The following PTPRD variants were observed in gnomAD, a reference collection of about 807,000 sequenced individuals.
The protein encoded by PTPRD is receptor-type tyrosine-protein phosphatase delta.
PTPRD carries 34 observed loss-of-function variants against 214.5 expected under a neutral mutation model. The ratio of observed to expected loss-of-function variants is 0.16; its 90% CI spans 0.12 to 0.21. The LOEUF (loss-of-function observed/expected upper bound fraction) is 0.21. Among genes scored for constraint, PTPRD ranks in the 10% least tolerant of loss-of-function variants. The pLI is 1.00. For missense variants in PTPRD, 2,545 were observed against 2,398.7 expected, an observed-to-expected ratio of 1.06 and a Z score of -1.27; for synonymous variants, 1,128 against 845.7, an observed-to-expected ratio of 1.33 and a Z score of -5.79.
intron 3 of PTPRD, among the ~76,000 whole-genome samples, chr9:10,044,006 T>G (rs1266818518): frequency 6.6e-6 from 1 of 151,826 alleles, no homozygotes; most frequent in Non-Finnish European, 1.5e-5. Context: ...AACAAATATT[T>G]AGAGCCTTCA....
intron 35 of PTPRD, among the ~76,000 whole-genome samples, chr9:8,428,302 T>C (rs10739162): frequency 0.51 from 76,961 of 151,956 alleles, 19,925 homozygotes; most frequent in East Asian, 0.74. Flanking sequence ...CCAATCCCAG[T>C]GTATTAGGAG....
In PTPRD at chr9:8,317,920, C is replaced by A. The variant is rs200610422; in HGVS notation, c.5693G>T (p.Arg1898Leu). Residue 1898 changes from arginine to leucine, a missense_variant, in exon 46 of 46, where the codon CGT becomes CTT. Transcript: ENST00000381196. ...QTEDQYQFSY[R>L]AALEYLGSFD... ...GCTGCCCAGGTACTCTAGTGCGGCA[C>A]GATAGGAAAACTGATATTGATCCTG... The A allele has an allele frequency of 2.5e-6, 4 of 1,611,414 alleles. No homozygotes were observed. The highest frequency in any genetic ancestry group is 3.4e-6 in the Non-Finnish European group (4 of 1,178,492).
intron 9 of PTPRD, among the ~76,000 whole-genome samples, chr9:9,379,655 C>T (rs746652253): frequency 1.3e-5 from 2 of 152,028 alleles, no homozygotes; most frequent in African/African-American, 2.4e-5. Context: ...TTATATCTTC[C>T]TATCCATGGA....
chr9:8,682,836 T>C (rs1026938671), intron 12 of PTPRD, among the ~76,000 whole-genome samples: 3 of 152,274 alleles, frequency 2.0e-5, no homozygotes, highest in Non-Finnish European at 4.4e-5. Context: ...TCTTCTAATG[T>C]AGGCCTATCA....
chr9:8,423,379 A>T (rs1158622384), intron 35 of PTPRD, among the ~76,000 whole-genome samples: 2 of 152,208 alleles, frequency 1.3e-5, no homozygotes, highest in African/African-American at 2.4e-5. Context: ...TCCTCCTGCC[A>T]TCTTGAAATA....
chr9:9,331,541 C>T (rs549644280), intron 9 of PTPRD, among the ~76,000 whole-genome samples: 1 of 152,178 alleles, frequency 6.6e-6, no homozygotes, highest in Admixed American at 6.6e-5. Context: ...GGCAGTATAA[C>T]AGCTCTCAGG....
chr9:9,657,298 T>G (rs117211761), intron 7 of PTPRD, among the ~76,000 whole-genome samples: 8,137 of 152,220 alleles, frequency 0.053, 252 homozygotes, highest in Middle Eastern at 0.14. Flanking sequence ...TCATGTCCTT[T>G]GCAGGGACAT....
chr9:10,232,929 A>G (rs1308893038), intron 3 of PTPRD, among the ~76,000 whole-genome samples: 1 of 151,922 alleles, frequency 6.6e-6, no homozygotes, highest in Non-Finnish European at 1.5e-5. Flanking sequence ...TAAACATTCC[A>G]TTCTTCCTCA....
chr9:9,572,709 A>G (rs1291288890), intron 8 of PTPRD, among the ~76,000 whole-genome samples: 1 of 150,760 alleles, frequency 6.6e-6, no homozygotes, highest in Non-Finnish European at 1.5e-5. Flanking sequence ...ATAACCTAAT[A>G]ATAAAGGACA....
chr9:9,075,201 T>A (rs540163604), intron 10 of PTPRD, among the ~76,000 whole-genome samples: 8 of 152,206 alleles, frequency 5.3e-5, no homozygotes, highest in African/African-American at 1.9e-4. Flanking sequence ...TTAGGGTACA[T>A]GAGATATTTT....
intron 3 of PTPRD, among the ~76,000 whole-genome samples, chr9:10,301,032 G>C (rs552330902): frequency 1.6e-4 from 25 of 152,194 alleles, no homozygotes; most frequent in Admixed American, 6.5e-4. Flanking sequence ...CTGGCGTCTG[G>C]CAATTGCCCC....
intron 8 of PTPRD, among the ~76,000 whole-genome samples, chr9:9,398,991 G>A (rs1033630068): frequency 2.6e-5 from 4 of 152,026 alleles, no homozygotes; most frequent in African/African-American, 9.7e-5. Context: ...TACCCACAAT[G>A]TCTCATACTT....
chr9:9,169,059 T>A (rs1433811935), intron 10 of PTPRD, among the ~76,000 whole-genome samples: 1 of 152,010 alleles, frequency 6.6e-6, no homozygotes, highest in Non-Finnish European at 1.5e-5. Flanking sequence ...TATATATAAA[T>A]TTTTATCAGT....
At chr9:9,522,241 C>A (rs2154255743) in intron 8 of PTPRD, among the ~76,000 whole-genome samples, 1 of 150,744 alleles carries the variant, frequency 6.6e-6, no homozygotes, top group African/African-American at 2.4e-5. Flanking sequence ...AATTTAGATC[C>A]TTGTTATTTC....
At chr9:8,777,734 G>A (rs111671752) in intron 11 of PTPRD, among the ~76,000 whole-genome samples, 4 of 152,252 alleles carry the variant, frequency 2.6e-5, no homozygotes, top group African/African-American at 2.4e-5. Context: ...TGAATTGAAA[G>A]CCTTATTTAC....
At chr9:9,518,268 G>A (rs1268174197) in intron 8 of PTPRD, among the ~76,000 whole-genome samples, 2 of 152,042 alleles carry the variant, frequency 1.3e-5, no homozygotes, top group African/African-American at 4.8e-5. Flanking sequence ...ATGTTAACAA[G>A]CATAAACTTT....
intron 30 of PTPRD, among the ~76,000 whole-genome samples, chr9:8,478,576 G>T (rs1262251847): frequency 2.0e-5 from 3 of 152,104 alleles, no homozygotes; most frequent in Non-Finnish European, 4.4e-5. Flanking sequence ...TAAAGTCACA[G>T]AAGTTCCCTA....
chr9:9,306,094 A>C (rs1957040803), intron 9 of PTPRD, among the ~76,000 whole-genome samples: 1 of 152,178 alleles, frequency 6.6e-6, no homozygotes, highest in African/African-American at 2.4e-5. Context: ...AGAGCCCAGG[A>C]AATATGAAGA....
At chr9:8,480,091 T>A (rs561656157) in intron 30 of PTPRD, among the ~76,000 whole-genome samples, 2 of 152,330 alleles carry the variant, frequency 1.3e-5, no homozygotes, top group East Asian at 1.9e-4. Context: ...TTAATCTCAG[T>A]CATCTTTCTA....
Sources: allele counts gnomAD v4.1 joint callset (sites outside exome capture counted in the v4.1 genomes callset), GRCh38; gene constraint gnomAD v4.1.1; transcripts MANE v1.5; gene names NCBI Gene and HGNC (gene_info 2026-07-23, HGNC 2026-07-21).